The following ABLIM1 variants were observed in gnomAD, a reference collection of about 807,000 sequenced individuals.
The protein encoded by ABLIM1 is actin-binding LIM protein 1.
A neutral mutation model predicts 107.0 loss-of-function variants in ABLIM1; 40 were observed. That is an observed-to-expected ratio of 0.37 (90% CI 0.29 to 0.49). The LOEUF is 0.49. Ranked by LOEUF, ABLIM1 falls within the 20% of genes least tolerant of loss-of-function variation. ABLIM1 has a pLI of 0.97. For synonymous variants in ABLIM1, 357 were observed against 357.3 expected, an observed-to-expected ratio of 1.00 and a Z score of 0.01; for missense variants, 857 against 1,008.5, an observed-to-expected ratio of 0.85 and a Z score of 2.04.
intron 6 of ABLIM1, 128 bp downstream of exon 6, chr10:114,544,877 T>A: frequency 1.2e-6 from 1 of 830,038 alleles, no homozygotes; most frequent in Non-Finnish European, 2.1e-6. Flanking sequence ...AATAGTCACC[T>A]GCGACTACTT....
chr10:114,713,323 CT>C (rs2081592023), intron 1 of ABLIM1, among the ~76,000 whole-genome samples: 1 of 152,202 alleles, frequency 6.6e-6, no homozygotes, highest in Non-Finnish European at 1.5e-5. Flanking sequence ...AAAGATCCCA[CT>C]TCTCATAAAA....
intron 2 of ABLIM1, among the ~76,000 whole-genome samples, chr10:114,590,401 G>T (rs1028527120): frequency 1.4e-4 from 22 of 152,074 alleles, no homozygotes; most frequent in African/African-American, 5.1e-4. Context: ...TCAGCGTCTG[G>T]GTCACTCTGA....
chr10:114,564,382 A>G (rs2070332196), intron 4 of ABLIM1, among the ~76,000 whole-genome samples: 1 of 151,308 alleles, frequency 6.6e-6, no homozygotes, highest in Non-Finnish European at 1.5e-5. Flanking sequence ...CTTCTCCCTT[A>G]GCCTCCCGAG....
At chr10:114,491,577 AT>A (rs1489785644) in intron 7 of ABLIM1, among the ~76,000 whole-genome samples, 1 of 152,172 alleles carries the variant, frequency 6.6e-6, no homozygotes, top group Non-Finnish European at 1.5e-5. Context: ...TCACAAGTTC[AT>A]TCGTGAACAG....
chr10:114,733,375 C>T (rs2082115185), intron 1 of ABLIM1, among the ~76,000 whole-genome samples: 1 of 152,164 alleles, frequency 6.6e-6, no homozygotes, highest in Non-Finnish European at 1.5e-5. Context: ...TAACCTAATG[C>T]TCATGGGGCT....
At chr10:114,702,707 A>G (rs1037664497) in intron 1 of ABLIM1, among the ~76,000 whole-genome samples, 1 of 151,836 alleles carries the variant, frequency 6.6e-6, no homozygotes, top group Non-Finnish European at 1.5e-5. Context: ...TTTGTATTTT[A>G]GTAGAGACGG....
At chr10:114,485,739 T>A in intron 8 of ABLIM1, among the ~76,000 whole-genome samples, 1 of 152,322 alleles carries the variant, frequency 6.6e-6, no homozygotes, top group East Asian at 1.9e-4. Context: ...TTCTTAAATA[T>A]AAAAAATGTG....
chr10:114,690,291 G>A lies in ABLIM1; in HGVS notation c.-213+77770C>T. ...CTTGCCATCCAACCACTCACTCTTGGCAGTGCAGATGAAAAACTGGGAACC... is the reference window on the plus strand; with the variant it reads ...CTTGCCATCCAACCACTCACTCTTGACAGTGCAGATGAAAAACTGGGAACC... On this transcript the variant is annotated intron_variant, in intron 1 of 15. Coordinates refer to the ABLIM1 transcript ENST00000651092. 3 of 1,577,154 alleles carry A rather than the reference G, an allele frequency of 1.9e-6. No individual in the cohort carries two copies. The South Asian group carries it at 3.3e-5, about 17-fold the overall frequency.
intron 6 of ABLIM1, among the ~76,000 whole-genome samples, chr10:114,541,064 G>A (rs2066595392): frequency 6.6e-6 from 1 of 152,150 alleles, no homozygotes; most frequent in Non-Finnish European, 1.5e-5. Flanking sequence ...ACAGAGAAAA[G>A]GAGACAACAC....
intron 1 of ABLIM1, among the ~76,000 whole-genome samples, chr10:114,710,428 G>C (rs2081524078): frequency 6.6e-6 from 1 of 152,104 alleles, no homozygotes; most frequent in Non-Finnish European, 1.5e-5. Flanking sequence ...CAAGCAAAAG[G>C]GGAAACCCCT....
chr10:114,648,665 G>A (rs1385184198), intron 1 of ABLIM1, among the ~76,000 whole-genome samples: 1 of 152,316 alleles, frequency 6.6e-6, no homozygotes, highest in South Asian at 2.1e-4. Context: ...TGTTAAAGTG[G>A]TGAATGTTAT....
intron 1 of ABLIM1, among the ~76,000 whole-genome samples, chr10:114,650,431 T>C (rs1460385270): frequency 6.6e-6 from 1 of 152,218 alleles, no homozygotes; most frequent in Non-Finnish European, 1.5e-5. Flanking sequence ...TTAAATAAGA[T>C]TAGTTTTTAA....
the ABLIM1 span, chr10:114,779,114 A>G: frequency 6.6e-6 from 1 of 152,226 alleles, no homozygotes; most frequent in South Asian, 2.1e-4. Flanking sequence ...TATGAAAAAA[A>G]TAATCATTCT....
At chr10:114,571,500 T>C in intron 3 of ABLIM1, 94 bp from the exon 4 acceptor site, 4 of 1,236,594 alleles carry the variant, frequency 3.2e-6, no homozygotes, top group Admixed American at 3.9e-5. Flanking sequence ...TGCCCATTTA[T>C]TTCTTGGAGA....
At chr10:114,758,088 C>T (rs1347574390) in intron 1 of ABLIM1, among the ~76,000 whole-genome samples, 9 of 152,144 alleles carry the variant, frequency 5.9e-5, no homozygotes, top group Admixed American at 1.3e-4. Flanking sequence ...CTTCCATTAT[C>T]GCCCCATATG....
chr10:114,730,607 C>A (rs2082052586), intron 1 of ABLIM1, among the ~76,000 whole-genome samples: 1 of 152,022 alleles, frequency 6.6e-6, no homozygotes, highest in Non-Finnish European at 1.5e-5. Context: ...TGGTTTTATT[C>A]ATAAATCAAT....
In ABLIM1 at chr10:114,487,941, TTTAA is replaced by T. The variant is rs2058421807; in HGVS notation, c.1041+13_1041+16del. On this transcript the variant is annotated intron_variant, in intron 8 of 22. Coordinates refer to ENST00000533213, the MANE Select transcript of ABLIM1 (RefSeq NM_002313.7). ...CCTACAAATGCAGCTGGCATCATGT[TTTAA>T]TTGTGTCCTTACCCGCAGCTTTTCC... 7 of 1,613,986 alleles carry T rather than the reference TTTAA, an allele frequency of 4.3e-6. No homozygotes were observed. Among genetic ancestry groups the T allele is most frequent in the Non-Finnish European group, 5.9e-6 (7 of 1,179,848 alleles).
At chr10:114,632,003 C>A (rs1021909207) in intron 1 of ABLIM1, 2 of 1,296,680 alleles carry the variant, frequency 1.5e-6, no homozygotes, top group African/African-American at 1.5e-5. Flanking sequence ...CAGACAGATC[C>A]GCGGGCGCTG....
rs150697127 is a variant in ABLIM1, at chr10:114,648,697, A to G, written c.244+9260T>C. Among the ~76,000 whole-genome samples the G allele has an allele frequency of 2.4e-3, 373 of 152,318 alleles. 3 individuals are homozygous for G. Among genetic ancestry groups the G allele is most frequent in the African/African-American group, 8.6e-3 (356 of 41,566 alleles). On this transcript the variant is annotated intron_variant, in intron 1 of 22. Coordinates refer to ENST00000533213, the MANE Select transcript of ABLIM1 (RefSeq NM_002313.7). ...TTATGGTGTACTACATTACATCTCC[A>G]TTTTAAAATGTATGAAGTACCTTTA...
Sources: gnomAD v4.1 joint callset for allele counts (sites outside exome capture counted in the v4.1 genomes callset) on GRCh38, gnomAD v4.1.1 for gene constraint, MANE v1.5 for transcripts, NCBI Gene and HGNC (gene_info 2026-07-23, HGNC 2026-07-21) for gene names.